Variants in ITSN1 observed in about 807,000 individuals in gnomAD.
ITSN1 encodes the protein intersectin 1, also known as intersectin-1.
A neutral mutation model predicts 239.8 loss-of-function variants in ITSN1; 58 were observed. The observed-to-expected ratio is 0.24, with a 90% CI of 0.20 to 0.30. The LOEUF is 0.30. ITSN1 is among the 10% of genes least tolerant of loss of function. The pLI is 1.00. For missense variants in ITSN1, 1,558 were observed against 2,103.3 expected, an observed-to-expected ratio of 0.74 and a Z score of 5.07; for synonymous variants, 780 against 770.8, an observed-to-expected ratio of 1.01 and a Z score of -0.20.
At chr21:33,664,176 C>T (rs185903060) in intron 1 of ITSN1, among the ~76,000 whole-genome samples, 1 of 152,276 alleles carries the variant, frequency 6.6e-6, no homozygotes, top group African/African-American at 2.4e-5. Flanking sequence ...GCTCACAATT[C>T]TGATGGCTAG....
chr21:33,810,866 C>A (rs1478052951), intron 20 of ITSN1, 109 bp from the exon 21 acceptor site: 1 of 1,204,752 alleles, frequency 8.3e-7, no homozygotes, highest in Non-Finnish European at 1.2e-6. Flanking sequence ...GATTCCTATG[C>A]CATATGTCAA....
chr21:33,858,192 A>G (rs1274988969), intron 30 of ITSN1, among the ~76,000 whole-genome samples: 1 of 152,172 alleles, frequency 6.6e-6, no homozygotes, highest in African/African-American at 2.4e-5. Context: ...CTGAGGACAC[A>G]GCGATGGAGT....
Position 33,743,138 on chromosome 21 carries a change from A to T in ITSN1, c.347-7005A>T, listed in dbSNP as rs561958882. 2.6e-5 allele frequency among the ~76,000 whole-genome samples: 4 copies of T among 152,300 alleles called. No individual in the cohort carries two copies. The South Asian group carries it at 8.3e-4, about 32-fold the overall frequency. On this transcript the variant is annotated intron_variant, in intron 5 of 39. Coordinates refer to ENST00000381318, the MANE Select transcript of ITSN1 (RefSeq NM_003024.3). ...ACACAGGGGATACTAACTGAAGAAA[A>T]ATAGAAGTTACAAAGAGGAAAAAAA...
At position 33,892,058 on chromosome 21, in the gene ITSN1, C is replaced by G. The variant is rs1407054006; in HGVS notation, c.*3758C>G. 2.0e-5 allele frequency: 3 copies of G among 152,196 alleles called. No homozygotes were observed. The highest frequency in any genetic ancestry group is 4.4e-5 in the Non-Finnish European group (3 of 68,042). 9.4% of individuals were successfully genotyped at this position (152,196 alleles called of 1,614,324 possible). The stretch of plus-strand genomic sequence containing the variant: ...TGGTGTGCTTTGGATGTAACAGGGT[C>G]ATTTTGGGCTCGAGGTGAGTGTGCA... On this transcript the variant is annotated 3_prime_UTR_variant, in exon 40 of 40. Transcript: ENST00000381318.
chr21:33,810,256 G>A (rs1004427763), intron 20 of ITSN1, among the ~76,000 whole-genome samples: 7 of 152,226 alleles, frequency 4.6e-5, no homozygotes, highest in South Asian at 2.1e-4. Flanking sequence ...AGCATTTGGC[G>A]TAATAAATGG....
chr21:33,839,951 G>T (rs1408931296), intron 29 of ITSN1, among the ~76,000 whole-genome samples: 1 of 152,142 alleles, frequency 6.6e-6, no homozygotes, highest in Non-Finnish European at 1.5e-5. Flanking sequence ...TCTGGCCCCA[G>T]ATGTCACCAG....
chr21:33,730,045 C>T (rs1049704528), intron 4 of ITSN1, among the ~76,000 whole-genome samples: 2 of 151,918 alleles, frequency 1.3e-5, no homozygotes, highest in Admixed American at 6.6e-5. Context: ...CTACCTCTTA[C>T]GTGGATATGT....
intron 5 of ITSN1, among the ~76,000 whole-genome samples, chr21:33,739,842 C>T (rs956048412): frequency 2.0e-5 from 3 of 152,272 alleles, no homozygotes; most frequent in South Asian, 2.1e-4. Flanking sequence ...AGAAGAGTGA[C>T]GTGGTTGATA....
At chr21:33,681,150 A>G (rs1453392941) in intron 1 of ITSN1, among the ~76,000 whole-genome samples, 1 of 152,160 alleles carries the variant, frequency 6.6e-6, no homozygotes, top group African/African-American at 2.4e-5. Flanking sequence ...ACAGGTAGGA[A>G]AGGGTCTGTT....
At chr21:33,700,374 C>T (rs537135690) in intron 1 of ITSN1, among the ~76,000 whole-genome samples, 2 of 152,196 alleles carry the variant, frequency 1.3e-5, no homozygotes, top group African/African-American at 4.8e-5. Flanking sequence ...TGTGAGCCAC[C>T]GCACTTGGCC....
intron 1 of ITSN1, among the ~76,000 whole-genome samples, chr21:33,656,817 T>G (rs1290268725): frequency 2.0e-5 from 3 of 152,138 alleles, no homozygotes. Flanking sequence ...TTCAAGCAAT[T>G]CTCCTGCCTC....
At chr21:33,781,367 G>C in intron 14 of ITSN1, 94 bp from the exon 15 acceptor site, 2 of 714,706 alleles carry the variant, frequency 2.8e-6, no homozygotes, top group Non-Finnish European at 4.9e-6. Flanking sequence ...TTTGGGAAGA[G>C]TCTGAGAAAA....
chr21:33,834,889 G>T (rs2074513466), intron 28 of ITSN1, among the ~76,000 whole-genome samples: 1 of 152,186 alleles, frequency 6.6e-6, no homozygotes, highest in Non-Finnish European at 1.5e-5. Flanking sequence ...GACATTCACT[G>T]TGGGCAGAGG....
rs547739762 is a variant in ITSN1, at chr21:33,810,959, G to A, written c.2320-16G>A. 77 of 1,614,200 alleles carry A rather than the reference G, an allele frequency of 4.8e-5. 3 individuals carry two copies. The South Asian group carries it at 8.2e-4, about 17-fold the overall frequency. ...GGTTAATTTAGTTCTACTTAAAGCT[G>A]TGACTTTTTCCACAGGTGGATGAAA... On this transcript the variant is annotated splice_polypyrimidine_tract_variant and intron_variant, in intron 20 of 39. Coordinates refer to ENST00000381318, the MANE Select transcript of ITSN1 (RefSeq NM_003024.3).
At chr21:33,755,424 TATG>T in intron 8 of ITSN1, 27 bp downstream of exon 8, 1 of 1,251,048 alleles carries the variant, frequency 8.0e-7, no homozygotes, top group Non-Finnish European at 1.2e-6. Flanking sequence ...ATTAGTGAAA[TATG>T]ATCTTTGTTT....
At chr21:33,810,703 C>T (rs1020757634) in intron 20 of ITSN1, among the ~76,000 whole-genome samples, 38 of 152,128 alleles carry the variant, frequency 2.5e-4, no homozygotes, top group African/African-American at 8.9e-4. Flanking sequence ...CCTCAGGACT[C>T]CAGGCACTTT....
chr21:33,652,228 C>T (rs912926344), intron 1 of ITSN1, among the ~76,000 whole-genome samples: 1 of 152,090 alleles, frequency 6.6e-6, no homozygotes, highest in Non-Finnish European at 1.5e-5. Flanking sequence ...CAACCCAGAC[C>T]TTTGTGGTTC....
intron 5 of ITSN1, among the ~76,000 whole-genome samples, chr21:33,741,749 A>G (rs2211690): frequency 0.98 from 148,268 of 151,848 alleles, 72,400 homozygotes; most frequent in East Asian, 1. Context: ...AAAAAAATTA[A>G]CCAAGCATGG....
intron 1 of ITSN1, among the ~76,000 whole-genome samples, chr21:33,670,109 A>C (rs7281204): frequency 0.52 from 79,146 of 152,040 alleles, 22,047 homozygotes; most frequent in East Asian, 0.84. Context: ...TGCCTGTAAT[A>C]CCAACAGTTT....
Sources: allele counts gnomAD v4.1 joint callset (sites outside exome capture counted in the v4.1 genomes callset), GRCh38; gene constraint gnomAD v4.1.1; transcripts MANE v1.5; gene names NCBI Gene and HGNC (gene_info 2026-07-23, HGNC 2026-07-21).